Variants in MYO3B observed in about 807,000 individuals in gnomAD.
MYO3B encodes myosin-IIIb.
MYO3B carries 156 observed loss-of-function variants against 174.6 expected under a neutral mutation model. The ratio of observed to expected loss-of-function variants is 0.89; its 90% confidence interval spans 0.78 to 1.02. MYO3B has a LOEUF of 1.02. Ranked by LOEUF, MYO3B falls within the 50% of genes least tolerant of loss-of-function variation. The probability of loss-of-function intolerance (pLI) is 0.00; values close to 1 mark genes in which losing one functional copy is unlikely to be tolerated. For missense variants in MYO3B, 1,632 were observed against 1,639.4 expected, an observed-to-expected ratio of 1.00 and a Z score of 0.08; for synonymous variants, 563 against 569.1, an observed-to-expected ratio of 0.99 and a Z score of 0.15.
At chr2:170,231,936 G>T (rs898239164) in intron 6 of MYO3B, among the ~76,000 whole-genome samples, 1 of 152,180 alleles carries the variant, frequency 6.6e-6, no homozygotes, top group East Asian at 1.9e-4. Flanking sequence ...GAGGTCCTGA[G>T]AATATAAGTG....
chr2:170,327,422 A>G (rs1014730981), intron 7 of MYO3B, among the ~76,000 whole-genome samples: 3 of 136,890 alleles, frequency 2.2e-5, no homozygotes, highest in African/African-American at 7.7e-5. Flanking sequence ...TTGAAATTTA[A>G]CTACAAGCTT....
chr2:170,367,253 C>G (rs2094205849), intron 8 of MYO3B, among the ~76,000 whole-genome samples: 1 of 152,156 alleles, frequency 6.6e-6, no homozygotes, highest in Non-Finnish European at 1.5e-5. Context: ...AAAGCCAAAA[C>G]AAAAATGTGG....
intron 3 of MYO3B, 66 bp downstream of exon 3, chr2:170,200,350 T>A (rs1321890996): frequency 1.3e-6 from 2 of 1,558,216 alleles, no homozygotes; most frequent in African/African-American, 2.7e-5. Context: ...GATGCTTTAT[T>A]ACCTAGAGGG....
intron 7 of MYO3B, among the ~76,000 whole-genome samples, chr2:170,292,275 A>G (rs2093601480): frequency 6.6e-6 from 1 of 152,130 alleles, no homozygotes; most frequent in Non-Finnish European, 1.5e-5. Context: ...TGATTTCTAA[A>G]ATTATTTTAA....
At chr2:170,436,362 GC>G (rs1207277214) in intron 22 of MYO3B, among the ~76,000 whole-genome samples, 3 of 152,128 alleles carry the variant, frequency 2.0e-5, no homozygotes, top group African/African-American at 7.2e-5. Flanking sequence ...AGGTGTGTGT[GC>G]GCATCTGCTG....
chr2:170,428,204 TA>T (rs1319000871), intron 22 of MYO3B, among the ~76,000 whole-genome samples: 1 of 152,228 alleles, frequency 6.6e-6, no homozygotes, highest in Non-Finnish European at 1.5e-5. Flanking sequence ...TTGCCTGTGT[TA>T]GCTGTGAAGA....
chr2:170,337,162 C>A (rs1005496794), intron 8 of MYO3B, among the ~76,000 whole-genome samples: 1 of 151,828 alleles, frequency 6.6e-6, no homozygotes, highest in African/African-American at 2.4e-5. Context: ...AGAGCCACTT[C>A]CAGAGGTTTG....
rs55913448 is a variant in MYO3B, at chr2:170,474,743, CAAAAAAAAAAAAAAAAA to C, written c.3014+8057_3014+8073del. On this transcript the variant is annotated intron_variant, in intron 25 of 34. Coordinates refer to ENST00000408978, the MANE Select transcript of MYO3B (RefSeq NM_138995.5). ...GGGTGACAAGAGTGAAACTCCGTCT[CAAAAAAAAAAAAAAAAA>C]AAAAAAAAAAAAAAAAAAAAAAAAG... 6.9e-4 allele frequency among the ~76,000 whole-genome samples: 26 copies of C among 37,590 alleles called. 2 individuals carry two copies. The highest frequency in any genetic ancestry group is 4.8e-3 in the South Asian group (4 of 830). The allele number at this position is 37,590 out of a possible 152,430, so 24.7% of individuals were successfully genotyped here.
At chr2:170,340,518 A>C (rs1383994128) in intron 8 of MYO3B, 1 of 152,242 alleles carries the variant, frequency 6.6e-6, no homozygotes, top group Non-Finnish European at 1.5e-5. Flanking sequence ...TTAACAAAAG[A>C]AAAGTGGAAC....
rs763331241 is a variant in MYO3B at position 170,463,464 on chromosome 2, C to T, written c.2808+19C>T. 4.3e-6 allele frequency: 7 copies of T among 1,610,076 alleles called. No individual in the cohort carries two copies. The South Asian group carries it at 6.6e-5, about 15-fold the overall frequency. On this transcript the variant is annotated intron_variant, in intron 24 of 34. Coordinates refer to ENST00000408978, the MANE Select transcript of MYO3B (RefSeq NM_138995.5). ...CTTCCGGGTATGGAGTCTTCTTGAT[C>T]TCTATTCTGCCTGCTTCCAAAAAGG...
At chr2:170,295,208 TA>T (rs200254965) in intron 7 of MYO3B, among the ~76,000 whole-genome samples, 1 of 151,412 alleles carries the variant, frequency 6.6e-6, no homozygotes, top group Non-Finnish European at 1.5e-5. Flanking sequence ...TATTTGGATT[TA>T]AAAAAAAATT....
At chr2:170,295,432 C>T (rs1375624948) in intron 7 of MYO3B, among the ~76,000 whole-genome samples, 1 of 151,384 alleles carries the variant, frequency 6.6e-6, no homozygotes, top group Non-Finnish European at 1.5e-5. Context: ...TAGTGGATTC[C>T]CTTAAATTTT....
chr2:170,285,826 T>C (rs566065222), intron 7 of MYO3B, among the ~76,000 whole-genome samples: 2 of 152,232 alleles, frequency 1.3e-5, no homozygotes, highest in Admixed American at 1.3e-4. Context: ...TTTACAAGTT[T>C]TAAAGGTTTG....
At position 170,652,127 on chromosome 2, in the gene MYO3B, G is replaced by C. The variant is rs1342698202; in HGVS notation, c.3860G>C (p.Gly1287Ala). 2 of 1,613,856 alleles carry C rather than the reference G, an allele frequency of 1.2e-6. No individual in the cohort carries two copies. Among genetic ancestry groups the C allele is most frequent in the African/African-American group, 2.7e-5 (2 of 74,898 alleles). The change falls in exon 34 of 35, where the codon GGG becomes GCG. Residue 1287 changes from glycine to alanine, a missense_variant. Transcript: ENST00000408978. ...CCACAGGGAACTCTAGAATATCAAG[G>C]GAGCAAGAGGAAGCCAAGAAAACTT... is the stretch of plus-strand genomic sequence containing the variant. ...NQLNGTLEYQ[G>A]SKRKPRKLGQ...
chr2:170,217,797 T>C (rs1325649891), intron 6 of MYO3B, among the ~76,000 whole-genome samples: 1 of 152,222 alleles, frequency 6.6e-6, no homozygotes. Flanking sequence ...CTATATGCGG[T>C]GGCCCTGGTT....
intron 22 of MYO3B, among the ~76,000 whole-genome samples, chr2:170,414,735 A>C (rs993142130): frequency 1.3e-5 from 2 of 152,062 alleles, no homozygotes; most frequent in African/African-American, 4.8e-5. Context: ...ATTTATTTGG[A>C]TCTTCTTTGA....
intron 6 of MYO3B, among the ~76,000 whole-genome samples, chr2:170,224,616 T>C (rs2092932798): frequency 6.6e-6 from 1 of 152,070 alleles, no homozygotes; most frequent in South Asian, 2.1e-4. Context: ...AATTCCGCCA[T>C]GCATTAAGGA....
intron 7 of MYO3B, among the ~76,000 whole-genome samples, chr2:170,248,459 C>T (rs1460107776): frequency 6.6e-6 from 1 of 152,156 alleles, no homozygotes; most frequent in African/African-American, 2.4e-5. Flanking sequence ...TATAAAACAG[C>T]ACAGATTTAT....
At chr2:170,333,272 C>T (rs2093924609) in intron 7 of MYO3B, among the ~76,000 whole-genome samples, 1 of 152,124 alleles carries the variant, frequency 6.6e-6, no homozygotes, top group Admixed American at 6.5e-5. Context: ...GTAAGAACTG[C>T]TCAGTCAAAC....
Sources: allele counts gnomAD v4.1 joint callset (sites outside exome capture counted in the v4.1 genomes callset), GRCh38; gene constraint gnomAD v4.1.1; transcripts MANE v1.5; gene names NCBI Gene and HGNC (gene_info 2026-07-23, HGNC 2026-07-21).